The following PNLIPRP1 variants were observed in gnomAD, a reference collection of about 807,000 sequenced individuals.
The protein encoded by PNLIPRP1 is inactive pancreatic lipase-related protein 1.
Under a neutral mutation model 54.6 loss-of-function variants are expected in PNLIPRP1, and 57 were observed. That is an observed-to-expected ratio of 1.04 (90% CI 0.84 to 1.30). PNLIPRP1 has a LOEUF of 1.30. Ranked by LOEUF, PNLIPRP1 falls within the 50% of genes most tolerant of loss-of-function variation. The probability of loss-of-function intolerance (pLI) is 0.00; values close to 1 mark genes in which losing one functional copy is unlikely to be tolerated. For missense variants in PNLIPRP1, 567 were observed against 568.5 expected, an observed-to-expected ratio of 1.00 and a Z score of 0.03; for synonymous variants, 232 against 208.8, an observed-to-expected ratio of 1.11 and a Z score of -0.96.
Position 116,594,852 on chromosome 10 carries a change from C to T in PNLIPRP1, c.453C>T (p.Leu151=), listed in dbSNP as rs782448079. The change falls in exon 5 of 13, where the codon CTC becomes CTT. Residue 151 remains leucine, a synonymous_variant. Coordinates refer to ENST00000358834, the MANE Select transcript of PNLIPRP1 (RefSeq NM_006229.4). The stretch of plus-strand genomic sequence containing the variant: ...TGGGCGCCCAGGTGGCCCAGATGCT[C>T]GACATCCTCTTGGTGAGTCAGCTGG... The part of the protein sequence containing the change: ...RVVGAQVAQM[L]DILLTEYSYP... 1.7e-5 allele frequency: 27 copies of T among 1,613,816 alleles called. No individual in the cohort carries two copies. Among genetic ancestry groups the T allele is most frequent in the South Asian group, 3.3e-5 (3 of 91,064 alleles).
chr10:116,605,922 C>T (rs77359413), intron 12 of PNLIPRP1, among the ~76,000 whole-genome samples: 198 of 152,266 alleles, frequency 1.3e-3, no homozygotes, highest in African/African-American at 4.6e-3. Context: ...GATAATAAAA[C>T]GGAAAATAAA....
In PNLIPRP1 at chr10:116,603,359, T is replaced by G. The variant is rs577840324; in HGVS notation, c.1064-671T>G. 7.9e-5 allele frequency among the ~76,000 whole-genome samples: 12 copies of G among 152,344 alleles called. No individual in the cohort carries two copies. The South Asian group carries it at 2.5e-3, about 32-fold the overall frequency. On this transcript the variant is annotated intron_variant, in intron 10 of 12. Coordinates refer to ENST00000358834, the MANE Select transcript of PNLIPRP1 (RefSeq NM_006229.4). ...TGGGGCAGAGCTGGCTAACAGAACT[T>G]TCTGCAATGAGGGGCATATTCTGTG... is the stretch of plus-strand genomic sequence containing the variant.
Position 116,594,759 on chromosome 10 carries a change from C to A in PNLIPRP1, c.360C>A (p.Cys120Ter). ...TGTTCGAGGTGGAGGAGGTGAACTGCATCTGCGTGGACTGGAAGAAGGGCT... is the reference window on the plus strand; with the variant it reads ...TGTTCGAGGTGGAGGAGGTGAACTGAATCTGCGTGGACTGGAAGAAGGGCT... Reference protein sequence around the residue: ...KKLFEVEEVNCICVDWKKGSQ... With the variant: ...KKLFEVEEVN Residue 120 changes from cysteine to a stop codon, truncating the protein, a stop_gained, in exon 5 of 13, where the codon TGC becomes TGA. Coordinates refer to ENST00000358834, the MANE Select transcript of PNLIPRP1 (RefSeq NM_006229.4). LOFTEE classifies it high-confidence loss of function. 1 of 1,614,178 alleles carries A rather than the reference C, an allele frequency of 6.2e-7. No homozygotes were observed. Among genetic ancestry groups the A allele is most frequent in the Non-Finnish European group, 8.5e-7 (1 of 1,180,032 alleles).
intron 3 of PNLIPRP1, 97 bp downstream of exon 3, chr10:116,592,022 C>A: frequency 7.6e-7 from 1 of 1,310,356 alleles, no homozygotes; most frequent in Non-Finnish European, 1.1e-6. Context: ...TCTTCCTCCA[C>A]CATGCCCCAC....
intron 12 of PNLIPRP1, among the ~76,000 whole-genome samples, chr10:116,606,536 T>G (rs1847939942): frequency 6.6e-6 from 1 of 152,028 alleles, no homozygotes; most frequent in African/African-American, 2.4e-5. Context: ...GCCTCTAAAT[T>G]CAGCTCCCCA....
Position 116,601,207 on chromosome 10 carries a change from T to A in PNLIPRP1, c.1063+6T>A, listed in dbSNP as rs537390309. The A allele has an allele frequency of 6.2e-7, 1 of 1,611,216 alleles. No homozygotes were observed. The highest frequency in any genetic ancestry group is 1.3e-5 in the African/African-American group (1 of 74,904). Reference sequence around the variant, plus strand: ...AGAGGCTAGCAATTTCGCTCGTAAGTTGCACTTTGACTACCTGCCCATGTA... The same window carrying A: ...AGAGGCTAGCAATTTCGCTCGTAAGATGCACTTTGACTACCTGCCCATGTA... On this transcript the variant is annotated splice_donor_region_variant and intron_variant, in intron 10 of 12. Transcript: ENST00000358834.
chr10:116,608,515 G>T (rs999846568), intron 12 of PNLIPRP1, among the ~76,000 whole-genome samples: 1 of 152,190 alleles, frequency 6.6e-6, no homozygotes, highest in Non-Finnish European at 1.5e-5. Context: ...TTGCATCTTT[G>T]TTATTCTGCT....
intron 2 of PNLIPRP1, 147 bp from the exon 3 acceptor site, chr10:116,591,624 A>G (rs1481520685): frequency 8.9e-6 from 7 of 788,718 alleles, no homozygotes; most frequent in Non-Finnish European, 1.3e-5. Context: ...CACTGGGGTC[A>G]AGAAGAGAGT....
rs781878927 is a variant in PNLIPRP1 at position 116,598,053 on chromosome 10, G to A, written c.701G>A (p.Gly234Glu). ...GTTTTTCTAAGCATTTCAGGTTTTG[G>A]AACGAACCAACAGATGGGTCATCTT... ...AAPLIPFLGF[G>E]TNQQMGHLDF... Residue 234 changes from glycine (G) to glutamate (E), a missense_variant, in exon 8 of 13, where the codon GGA (glycine) becomes GAA (glutamate). Coordinates refer to ENST00000358834, the MANE Select transcript of PNLIPRP1 (RefSeq NM_006229.4). The A allele has an allele frequency of 6.2e-7, 1 of 1,614,088 alleles. No individual in the cohort carries two copies. Among genetic ancestry groups the A allele is most frequent in the Non-Finnish European group, 8.5e-7 (1 of 1,180,012 alleles).
In PNLIPRP1 at chr10:116,596,922, A is replaced by G. The variant is rs566915187; in HGVS notation, c.574+600A>G. Among the ~76,000 whole-genome samples, 7 of 152,280 alleles carry G rather than the reference A, an allele frequency of 4.6e-5. 1 individual carries two copies. The highest frequency in any genetic ancestry group is 1.9e-4 in the East Asian group (1 of 5,180). On this transcript the variant is annotated intron_variant, in intron 6 of 12. Coordinates refer to ENST00000358834, the MANE Select transcript of PNLIPRP1 (RefSeq NM_006229.4). ...ATAAGCATAGATTAAGTGCCTGCTT[A>G]TCCCAAATACTGCACAAAATGCTTT... is the stretch of plus-strand genomic sequence containing the variant.
chr10:116,592,467 G>T lies in PNLIPRP1; in HGVS notation c.256G>T (p.Asp86Tyr). ...STIEASNFQM[D>Y]RKTRFIIHGF... ...AATTGAGGCATCAAATTTTCAAATG[G>T]ACAGAAAGACCCGGTTCATCATCCA... Residue 86 changes from aspartate to tyrosine, a missense_variant, in exon 4 of 13, where the codon GAC (aspartate) becomes TAC (tyrosine). Transcript: ENST00000358834. 1 of 1,613,706 alleles carries T rather than the reference G, an allele frequency of 6.2e-7. No homozygotes were observed. Among genetic ancestry groups the T allele is most frequent in the South Asian group, 1.1e-5 (1 of 91,006 alleles).
intron 6 of PNLIPRP1, 145 bp from the exon 7 acceptor site, chr10:116,597,683 A>G: frequency 1.2e-6 from 1 of 857,962 alleles, no homozygotes; most frequent in Non-Finnish European, 1.8e-6. Flanking sequence ...CCTCATATTT[A>G]GCACCCAAGG....
intron 8 of PNLIPRP1, among the ~76,000 whole-genome samples, chr10:116,598,525 TTC>T (rs2133233826): frequency 6.6e-6 from 1 of 152,308 alleles, no homozygotes; most frequent in African/African-American, 2.4e-5. Flanking sequence ...TTGCTACAAA[TTC>T]TCTCTTGGGA....
rs1554864176 is a variant in PNLIPRP1, at chr10:116,597,954, C to A, written c.694+7C>A. The A allele has an allele frequency of 1.2e-6, 2 of 1,614,134 alleles. No homozygotes were observed. Among genetic ancestry groups the A allele is most frequent in the Non-Finnish European group, 8.5e-7 (1 of 1,180,004 alleles). ...CCCCTGATCCCATTCTTGGGTGAGA[C>A]CTATGATGCTCCAGCTGTGAGCACG... On this transcript the variant is annotated splice_region_variant and intron_variant, in intron 7 of 12. Transcript: ENST00000358834.
rs781959041 is a variant in PNLIPRP1, at chr10:116,591,789, A to G, written c.68A>G (p.Glu23Gly). ...TCTGTAGGAAAAGAAGTTTGCTATGAGGACCTCGGGTGCTTTTCTGACACT... is the reference window on the plus strand; with the variant it reads ...TCTGTAGGAAAAGAAGTTTGCTATGGGGACCTCGGGTGCTTTTCTGACACT... ...GAAKGKEVCYEDLGCFSDTEP... is the reference protein window; with the variant it reads ...GAAKGKEVCYGDLGCFSDTEP... The change falls in exon 3 of 13, where the codon GAG (glutamate) becomes GGG (glycine). Residue 23 changes from glutamate to glycine, a missense_variant. Coordinates refer to ENST00000358834, the MANE Select transcript of PNLIPRP1 (RefSeq NM_006229.4). 6.2e-7 allele frequency: 1 copy of G among 1,614,200 alleles called. No individual in the cohort carries two copies. Among genetic ancestry groups the G allele is most frequent in the East Asian group, 2.2e-5 (1 of 44,874 alleles).
At position 116,609,127 on chromosome 10, in the gene PNLIPRP1, C is replaced by A; in HGVS notation, c.*11C>A. ...CTCACGCCCTGCTAAGCTCCCGGGG[C>A]GACGAGGCTGCTGCGTTCACACTAA... On this transcript the variant is annotated 3_prime_UTR_variant, in exon 13 of 13. Transcript: ENST00000358834. The A allele has an allele frequency of 6.3e-7, 1 of 1,598,184 alleles. No individual in the cohort carries two copies. The highest frequency in any genetic ancestry group is 1.1e-5 in the South Asian group (1 of 89,562).
intron 4 of PNLIPRP1, among the ~76,000 whole-genome samples, chr10:116,593,405 A>G (rs1489673674): frequency 6.6e-6 from 1 of 152,152 alleles, no homozygotes; most frequent in South Asian, 2.1e-4. Flanking sequence ...AGACTAGTTC[A>G]ATCGATTTTT....
chr10:116,600,063 G>A lies in PNLIPRP1; in HGVS notation c.831G>A (p.Val277=). 2.5e-6 allele frequency: 4 copies of A among 1,613,764 alleles called. No individual in the cohort carries two copies. The highest frequency in any genetic ancestry group is 2.5e-6 in the Non-Finnish European group (3 of 1,179,708). Residue 277 remains valine, a synonymous_variant, in exon 9 of 13, where the codon GTG becomes GTA. Transcript: ENST00000358834. ...DGIWAGTRDF[V]ACNHLRSYKY... ...TTTTCCCAGGAACCCGGGACTTTGT[G>A]GCTTGCAATCACCTAAGAAGCTACA...
Position 116,604,162 on chromosome 10 carries a change from G to A in PNLIPRP1, c.1172+24G>A, listed in dbSNP as rs201944708. 38 of 1,277,760 alleles carry A rather than the reference G, an allele frequency of 3.0e-5. No homozygotes were observed. The Admixed American group carries it at 3.0e-4, about 10-fold the overall frequency. The allele number at this position is 1,277,760 out of a possible 1,614,324, so 79.2% of individuals were successfully genotyped here. A position where few individuals can be genotyped will look rare whatever the true frequency, so the allele number is the denominator to read the frequency against. On this transcript the variant is annotated intron_variant, in intron 11 of 12. Transcript: ENST00000358834. ...AGGTAATTTCCTATTTTAACACTAC[G>A]TCTCATTTGATGATATACACAGCCT...
Sources: gnomAD v4.1 joint callset for allele counts (sites outside exome capture counted in the v4.1 genomes callset) on GRCh38, gnomAD v4.1.1 for gene constraint, MANE v1.5 for transcripts, NCBI Gene and HGNC (gene_info 2026-07-23, HGNC 2026-07-21) for gene names.